The following STX3 variants were observed in gnomAD, a reference collection of about 807,000 sequenced individuals.
The protein encoded by STX3 is syntaxin-3.
STX3 carries 19 observed loss-of-function variants against 40.2 expected under a neutral mutation model. The observed-to-expected ratio is 0.47, with a 90% CI of 0.33 to 0.69. STX3 has a LOEUF of 0.69. Among genes scored for constraint, STX3 ranks in the 30% least tolerant of loss-of-function variants. STX3 has a pLI of 0.02. For synonymous variants in STX3, 122 were observed against 132.2 expected (o/e 0.92, Z 0.53); for missense variants, 364 against 366.7 (o/e 0.99, Z 0.06).
intron 1 of STX3, among the ~76,000 whole-genome samples, chr11:59,761,482 T>C (rs1342690187): frequency 3.3e-5 from 5 of 152,226 alleles, no homozygotes; most frequent in Non-Finnish European, 5.9e-5. Flanking sequence ...TTCTCTCTTA[T>C]ACCTTCCCAG....
chr11:59,772,820 A>G (rs565549572), intron 1 of STX3, among the ~76,000 whole-genome samples: 8 of 152,270 alleles, frequency 5.3e-5, no homozygotes, highest in Admixed American at 5.2e-4. Context: ...GCACCATACA[A>G]AAGCATCCTA....
intron 5 of STX3, among the ~76,000 whole-genome samples, chr11:59,790,978 T>C (rs1032160670): frequency 1.3e-5 from 2 of 152,206 alleles, no homozygotes; most frequent in Non-Finnish European, 2.9e-5. Flanking sequence ...GGCATGCCAT[T>C]GAAGCGGCAT....
chr11:59,769,566 T>G (rs1863455964), intron 1 of STX3, among the ~76,000 whole-genome samples: 1 of 152,136 alleles, frequency 6.6e-6, no homozygotes, highest in Admixed American at 6.5e-5. Context: ...GTTTCACAGA[T>G]TCTCACTGAA....
At chr11:59,768,360 T>A (rs1863390291) in intron 1 of STX3, among the ~76,000 whole-genome samples, 2 of 152,198 alleles carry the variant, frequency 1.3e-5, no homozygotes, top group South Asian at 4.1e-4. Flanking sequence ...AAAATTGAGC[T>A]TGAAGTTGAG....
At chr11:59,764,970 C>A (rs939849268) in intron 1 of STX3, among the ~76,000 whole-genome samples, 1 of 151,458 alleles carries the variant, frequency 6.6e-6, no homozygotes, top group African/African-American at 2.4e-5. Flanking sequence ...TGGCTCTTGT[C>A]CAGTTGTCCA....
At chr11:59,786,725 C>T (rs1864801812) in intron 2 of STX3, among the ~76,000 whole-genome samples, 2 of 152,110 alleles carry the variant, frequency 1.3e-5, no homozygotes, top group African/African-American at 4.8e-5. Flanking sequence ...TGCTGATTCT[C>T]CCCCTCTGAT....
At chr11:59,781,794 G>C (rs530286956) in intron 2 of STX3, 1 of 1,423,732 alleles carries the variant, frequency 7.0e-7, no homozygotes, top group South Asian at 1.2e-5. Flanking sequence ...AAATTAAAGA[G>C]GACTTGACTG....
At chr11:59,776,370 A>G (rs1264941600) in intron 2 of STX3, among the ~76,000 whole-genome samples, 1 of 152,240 alleles carries the variant, frequency 6.6e-6, no homozygotes, top group African/African-American at 2.4e-5. Flanking sequence ...CATCTAGTAC[A>G]TATGTTCTTA....
intron 2 of STX3, among the ~76,000 whole-genome samples, chr11:59,781,100 T>TTTTTTTTTTTTTTTTTTTATATA (rs963410109): frequency 2.1e-5 from 3 of 146,300 alleles, no homozygotes; most frequent in South Asian, 2.1e-4. Context: ...TTTTTTTTTT[T>TTTTTTTTTTTTTTTTTTTATATA]TATATTAGCA....
chr11:59,758,651 C>T (rs920241614), intron 1 of STX3, among the ~76,000 whole-genome samples: 1 of 152,220 alleles, frequency 6.6e-6, no homozygotes, highest in South Asian at 2.1e-4. Flanking sequence ...CTGGTGGGCT[C>T]CCTCGACAGC....
intron 10 of STX3, among the ~76,000 whole-genome samples, chr11:59,798,414 G>T (rs748351503): frequency 3.3e-5 from 5 of 152,094 alleles, no homozygotes; most frequent in Non-Finnish European, 7.4e-5. Context: ...TGCCATGTTG[G>T]CCAGAATGCC....
At position 59,795,449 on chromosome 11, in the gene STX3, A is replaced by G; in HGVS notation, c.753A>G (p.Lys251=). 1.2e-6 allele frequency: 2 copies of G among 1,613,382 alleles called. No homozygotes were observed. The highest frequency in any genetic ancestry group is 1.7e-6 in the Non-Finnish European group (2 of 1,179,726). Residue 251 remains lysine, a synonymous_variant, in exon 9 of 11, where the codon AAA becomes AAG. Transcript: ENST00000337979. ...TGGAGAAGGCACGAGATGAAACGAAAAAAGCTGTGAAATACCAGAGTCAGG... is the reference window on the plus strand; with the variant it reads ...TGGAGAAGGCACGAGATGAAACGAAGAAAGCTGTGAAATACCAGAGTCAGG... ...DHVEKARDET[K]KAVKYQSQAR... is the part of the protein sequence containing the mutation.
At chr11:59,796,656 A>C (rs1865533189) in intron 9 of STX3, among the ~76,000 whole-genome samples, 1 of 152,214 alleles carries the variant, frequency 6.6e-6, no homozygotes, top group African/African-American at 2.4e-5. Context: ...AAAATCAGTC[A>C]GTGACTTTTT....
At chr11:59,793,535 G>T in intron 8 of STX3, 21 bp downstream of exon 8, 1 of 1,606,338 alleles carries the variant, frequency 6.2e-7, no homozygotes, top group Non-Finnish European at 8.5e-7. Flanking sequence ...GTGAGTCCCA[G>T]CGTGGGGAGG....
At chr11:59,772,747 A>G (rs1177211652) in intron 1 of STX3, among the ~76,000 whole-genome samples, 2 of 152,118 alleles carry the variant, frequency 1.3e-5, no homozygotes, top group Non-Finnish European at 2.9e-5. Context: ...AGTGAGTTAC[A>G]GTAACTACCA....
At chr11:59,767,145 G>C (rs945389239) in intron 1 of STX3, among the ~76,000 whole-genome samples, 4 of 152,110 alleles carry the variant, frequency 2.6e-5, no homozygotes, top group Admixed American at 6.5e-5. Context: ...CCAGAGAGGA[G>C]GTCATAACCC....
At chr11:59,770,169 GGTGT>G (rs970446666) in intron 1 of STX3, among the ~76,000 whole-genome samples, 2 of 148,352 alleles carry the variant, frequency 1.3e-5, no homozygotes, top group Non-Finnish European at 3.0e-5. Flanking sequence ...GCGTGTAAGG[GGTGT>G]GTGTGTGTGC....
At chr11:59,773,351 A>AT in intron 2 of STX3, 57 bp downstream of exon 2, 1 of 1,574,716 alleles carries the variant, frequency 6.4e-7, no homozygotes, top group Non-Finnish European at 8.7e-7. Context: ...CTATTTCCTT[A>AT]GTAAGAATAA....
chr11:59,789,354 T>C (rs1864974862), intron 4 of STX3, among the ~76,000 whole-genome samples: 1 of 151,972 alleles, frequency 6.6e-6, no homozygotes. Flanking sequence ...GTTCAGGTGA[T>C]TCTCCTGCCT....
Sources: allele counts gnomAD v4.1 joint callset (sites outside exome capture counted in the v4.1 genomes callset), GRCh38; gene constraint gnomAD v4.1.1; transcripts MANE v1.5; gene names NCBI Gene and HGNC (gene_info 2026-07-23, HGNC 2026-07-21).